The following IL22RA1 variants were observed in gnomAD, a reference collection of about 807,000 sequenced individuals.
IL22RA1 encodes the protein interleukin-22 receptor subunit alpha-1.
Under a neutral mutation model 32.8 loss-of-function variants are expected in IL22RA1, and 25 were observed. The observed-to-expected ratio is 0.76, with a 90% CI of 0.55 to 1.06. The LOEUF (loss-of-function observed/expected upper bound fraction) is 1.06, where lower values mean the gene tolerates loss of function less well. IL22RA1 is among the 50% of genes least tolerant of loss of function. The pLI, the probability that IL22RA1 is intolerant of heterozygous loss-of-function variation, is 0.00. For synonymous variants in IL22RA1, 305 were observed against 305.0 expected (o/e 1.00, Z 0.00); for missense variants, 709 against 727.4 (o/e 0.97, Z 0.29).
chr1:24,123,395 T>C lies in IL22RA1; in HGVS notation c.699A>G (p.Gly233=). The C allele has an allele frequency of 6.2e-7, 1 of 1,613,830 alleles. No homozygotes were observed. Among genetic ancestry groups the C allele is most frequent in the South Asian group, 1.1e-5 (1 of 90,994 alleles). The stretch of plus-strand genomic sequence containing the variant: ...GGAAGCCCATGGAGAACAGGAAGGC[T>C]CCGGAGAAGGAGTAGGTCCATGTCC... The part of the protein sequence containing the change: ...PDRTWTYSFS[G]AFLFSMGFLV... The change falls in exon 6 of 7, where the codon GGA becomes GGG. Residue 233 remains glycine, a synonymous_variant. Transcript: ENST00000270800.
chr1:24,139,514 C>T (rs887014142), intron 1 of IL22RA1, among the ~76,000 whole-genome samples: 7 of 152,108 alleles, frequency 4.6e-5, no homozygotes, highest in African/African-American at 1.7e-4. Flanking sequence ...AACTGTCGAA[C>T]TATTTTCTAA....
chr1:24,137,297 C>T lies in IL22RA1; in HGVS notation c.189G>A (p.Arg63=), dbSNP rs776386465. The T allele has an allele frequency of 6.2e-7, 1 of 1,613,990 alleles. No homozygotes were observed. Among genetic ancestry groups the T allele is most frequent in the East Asian group, 2.2e-5 (1 of 44,870 alleles). ...GACAGCCCTTCTTTGCCACCCAGTC[C>T]CTCTCTCCGTACCTGCAGGTCAGGA... ...YSIEYKTYGE[R]DWVAKKGCQR... Residue 63 remains arginine (R), a synonymous_variant, in exon 3 of 7, where the codon AGG becomes AGA. Transcript: ENST00000270800.
At chr1:24,141,965 C>T (rs575826733) in intron 1 of IL22RA1, among the ~76,000 whole-genome samples, 1 of 152,126 alleles carries the variant, frequency 6.6e-6, no homozygotes, top group South Asian at 2.1e-4. Context: ...GTGTGTGCAG[C>T]GCGAGGCAGC....
chr1:24,140,109 A>G (rs1644270182), intron 1 of IL22RA1, among the ~76,000 whole-genome samples: 2 of 152,234 alleles, frequency 1.3e-5, no homozygotes, highest in Admixed American at 1.3e-4. Context: ...GCATTTGTGA[A>G]GTGCACAGCC....
chr1:24,134,416 GA>G (rs760967722), intron 3 of IL22RA1, 30 bp from the exon 4 acceptor site: 3 of 1,442,520 alleles, frequency 2.1e-6, no homozygotes, highest in Non-Finnish European at 2.8e-6. Context: ...AAAGAGAAAA[GA>G]AAAAGTCAGA....
At chr1:24,127,298 A>G (rs2148571347) in intron 5 of IL22RA1, among the ~76,000 whole-genome samples, 1 of 150,864 alleles carries the variant, frequency 6.6e-6, no homozygotes. Flanking sequence ...CACCTGTGTG[A>G]CCTTGGGCAA....
chr1:24,122,956 C>T (rs1012920180), intron 6 of IL22RA1, among the ~76,000 whole-genome samples: 2 of 152,248 alleles, frequency 1.3e-5, no homozygotes, highest in Non-Finnish European at 2.9e-5. Flanking sequence ...CCCATTTAGA[C>T]AGGGCATGAG....
Position 24,121,025 on chromosome 1 carries a change from A to T in IL22RA1, c.1505T>A (p.Val502Asp), listed in dbSNP as rs767335066. 1 of 1,614,130 alleles carries T rather than the reference A, an allele frequency of 6.2e-7. No homozygotes were observed. The highest frequency in any genetic ancestry group is 8.5e-7 in the Non-Finnish European group (1 of 1,179,994). ...LKGQLPLLSS[V>D]QIEGHPMSLP... ...GGACATGGGGTGGCCCTCGATCTGG[A>T]CTGAGGAGAGGAGGGGGAGCTGGCC... Residue 502 changes from valine (V) to aspartate (D), a missense_variant, in exon 7 of 7, where the codon GTC becomes GAC. Physicochemically the swap from Val to Asp is radical, Grantham distance 152. Coordinates refer to ENST00000270800, the MANE Select transcript of IL22RA1 (RefSeq NM_021258.4).
Position 24,121,648 on chromosome 1 carries a change from A to C in IL22RA1, c.882T>G (p.Ser294Arg), listed in dbSNP as rs866441880. The change falls in exon 7 of 7, where the codon AGT (serine) becomes AGG (arginine). Residue 294 changes from serine (S) to arginine (R), a missense_variant. Coordinates refer to ENST00000270800, the MANE Select transcript of IL22RA1 (RefSeq NM_021258.4). ...IPVFDLSGPS[S>R]LAQPVQYSQI... Reference sequence around the variant, plus strand: ...GGGAGTACTGGACAGGCTGGGCCAGACTGCTGGGGCCGCTGAGGTCAAAGA... The same window carrying C: ...GGGAGTACTGGACAGGCTGGGCCAGCCTGCTGGGGCCGCTGAGGTCAAAGA... 6.2e-7 allele frequency: 1 copy of C among 1,610,562 alleles called. No homozygotes were observed. The highest frequency in any genetic ancestry group is 1.7e-4 in the Middle Eastern group (1 of 6,044).
Position 24,121,388 on chromosome 1 carries a change from G to A in IL22RA1, c.1142C>T (p.Ala381Val). The change falls in exon 7 of 7, where the codon GCC becomes GTC. Residue 381 changes from alanine (A) to valine (V), a missense_variant. Coordinates refer to ENST00000270800, the MANE Select transcript of IL22RA1 (RefSeq NM_021258.4). ...EAQFPFYAPQ[A>V]ISKVQPSSYA... ...GGAGGAAGGCTGGACCTTAGAGATG[G>A]CCTGTGGGGCGTAGAATGGGAATTG... 1 of 1,562,170 alleles carries A rather than the reference G, an allele frequency of 6.4e-7. No homozygotes were observed. The highest frequency in any genetic ancestry group is 8.7e-7 in the Non-Finnish European group (1 of 1,152,664).
chr1:24,123,766 G>A (rs1037500572), intron 5 of IL22RA1, among the ~76,000 whole-genome samples: 3 of 152,092 alleles, frequency 2.0e-5, no homozygotes, highest in Non-Finnish European at 2.9e-5. Flanking sequence ...GGGAAAGCCC[G>A]CAGCGCACTG....
rs768467746 is a variant in IL22RA1 at position 24,121,218 on chromosome 1, C to T, written c.1312G>A (p.Gly438Arg). ...GAAAGGCCACCTAACATGCAGCTTC[C>T]AGCTGGTGGCTCTTTCTGAAGCTGA... is the stretch of plus-strand genomic sequence containing the variant. Reference protein sequence around the residue: ...KGQLQKEPPAGSCMLGGLSLQ... With the variant: ...KGQLQKEPPARSCMLGGLSLQ... The change falls in exon 7 of 7, where the codon GGA becomes AGA. Residue 438 changes from glycine to arginine, a missense_variant. By Grantham distance (125) the Gly-to-Arg change is moderately radical (BLOSUM62 -2). Transcript: ENST00000270800. 6 of 1,614,236 alleles carry T rather than the reference C, an allele frequency of 3.7e-6. No homozygotes were observed. The highest frequency in any genetic ancestry group is 2.5e-6 in the Non-Finnish European group (3 of 1,180,040).
intron 5 of IL22RA1, among the ~76,000 whole-genome samples, chr1:24,123,903 G>C (rs1644144375): frequency 6.6e-6 from 1 of 152,202 alleles, no homozygotes; most frequent in African/African-American, 2.4e-5. Flanking sequence ...ATAGCCACCT[G>C]TTGGTCATCC....
chr1:24,122,241 C>T (rs530890856), intron 6 of IL22RA1, among the ~76,000 whole-genome samples: 11 of 152,288 alleles, frequency 7.2e-5, no homozygotes, highest in African/African-American at 2.4e-4. Flanking sequence ...GAGCAGGCTC[C>T]GGGTGCCTCA....
At chr1:24,128,427 T>A in intron 4 of IL22RA1, 148 bp from the exon 5 acceptor site, 1 of 922,498 alleles carries the variant, frequency 1.1e-6, no homozygotes, top group Non-Finnish European at 1.7e-6. Flanking sequence ...CCCTTCTGCT[T>A]TATCCCCAAA....
rs1644139967 is a variant in IL22RA1 at position 24,123,460 on chromosome 1, G to T, written c.671-37C>A. ...AAGGGGCCAGAGAAGGAAGCGTGAG[G>T]CTGGGCTCTGCCTGGGCCCGGTTGG... On this transcript the variant is annotated intron_variant, in intron 5 of 6. Transcript: ENST00000270800. 5 of 1,602,650 alleles carry T rather than the reference G, an allele frequency of 3.1e-6. No homozygotes were observed. The African/African-American group carries it at 5.3e-5, about 17-fold the overall frequency.
chr1:24,133,514 A>G (rs1012354750), intron 4 of IL22RA1, among the ~76,000 whole-genome samples: 2 of 152,188 alleles, frequency 1.3e-5, no homozygotes, highest in East Asian at 3.8e-4. Flanking sequence ...TCTGAATACG[A>G]AAAGAAATAA....
chr1:24,142,626 C>A (rs563047928), intron 1 of IL22RA1, among the ~76,000 whole-genome samples: 1 of 152,346 alleles, frequency 6.6e-6, no homozygotes, highest in South Asian at 2.1e-4. Context: ...TCCCCCGGTC[C>A]TTCCTCCTCC....
intron 6 of IL22RA1, among the ~76,000 whole-genome samples, chr1:24,122,887 G>A (rs528273216): frequency 1.3e-5 from 2 of 152,278 alleles, no homozygotes; most frequent in East Asian, 1.9e-4. Context: ...GGCTTCTCTT[G>A]AAAAACATGA....
Sources: gnomAD v4.1 joint callset for allele counts (sites outside exome capture counted in the v4.1 genomes callset) on GRCh38, gnomAD v4.1.1 for gene constraint, MANE v1.5 for transcripts, NCBI Gene and HGNC (gene_info 2026-07-23, HGNC 2026-07-21) for gene names.